Variants in ANXA8 observed in about 807,000 individuals in gnomAD.
The protein encoded by ANXA8 is annexin A8.
A neutral mutation model predicts 26.8 loss-of-function variants in ANXA8; 9 were observed. The ratio of observed to expected loss-of-function variants is 0.34; its 90% CI spans 0.20 to 0.59. The LOEUF (loss-of-function observed/expected upper bound fraction) is 0.59. Among genes scored for constraint, ANXA8 ranks in the 20% least tolerant of loss-of-function variants. The probability of loss-of-function intolerance (pLI) is 0.84; values close to 1 mark genes in which losing one functional copy is unlikely to be tolerated. For missense variants in ANXA8, 83 were observed against 238.5 expected (o/e 0.35, Z 4.29); for synonymous variants, 39 against 94.8 (o/e 0.41, Z 3.42).
At chr10:47,985,665 A>C in the ANXA8 span, 2 of 133,644 alleles carry the variant, frequency 1.5e-5, no homozygotes, top group Non-Finnish European at 3.3e-5. Flanking sequence ...AGCACCCCCA[A>C]AAAGTTATTT....
chr10:47,743,327 T>TATATATATACATATATATATAC, the ANXA8 span, among the ~76,000 whole-genome samples: 9 of 40,328 alleles, frequency 2.2e-4, no homozygotes, highest in Admixed American at 6.6e-4. Flanking sequence ...TATATATATA[T>TATATATATACATATATATATAC]ACATATATAT....
chr10:47,985,069 C>G, the ANXA8 span, among the ~76,000 whole-genome samples: 7 of 148,982 alleles, frequency 4.7e-5, 1 homozygote, highest in Admixed American at 2.7e-4. Context: ...TTGCAAACTG[C>G]GTATCTGACA....
At chr10:47,680,704 T>A in the ANXA8 span, among the ~76,000 whole-genome samples, 1 of 151,538 alleles carries the variant, frequency 6.6e-6, no homozygotes, top group South Asian at 2.1e-4. Context: ...AAAAATAAAT[T>A]AAAAAAAAAT....
chr10:47,578,964 C>T, the ANXA8 span, among the ~76,000 whole-genome samples: 5 of 143,450 alleles, frequency 3.5e-5, no homozygotes, highest in East Asian at 8.7e-4. Context: ...TTCTCAGCCT[C>T]CTGAGTAGCT....
At chr10:47,557,165 C>T in the ANXA8 span, among the ~76,000 whole-genome samples, 1 of 136,468 alleles carries the variant, frequency 7.3e-6, no homozygotes, top group Non-Finnish European at 1.6e-5. Flanking sequence ...CACCACCACG[C>T]CCAGCTAATT....
the ANXA8 span, among the ~76,000 whole-genome samples, chr10:47,947,430 AG>A: frequency 1.4e-5 from 2 of 143,498 alleles, no homozygotes. Context: ...TTTTGAGAGG[AG>A]GGAGTAATGT....
At chr10:47,495,255 CATT>C in the ANXA8 span, among the ~76,000 whole-genome samples, 2,780 of 102,878 alleles carry the variant, frequency 0.027, 122 homozygotes, top group African/African-American at 0.049. Context: ...AGAAACATGG[CATT>C]ATTATTATTA....
At chr10:47,530,742 C>T in the ANXA8 span, among the ~76,000 whole-genome samples, 1 of 132,176 alleles carries the variant, frequency 7.6e-6, no homozygotes, top group Non-Finnish European at 1.6e-5. Context: ...ATCTCAAGTA[C>T]ACACCCACAT....
chr10:47,665,170 A>T, the ANXA8 span, among the ~76,000 whole-genome samples: 1 of 146,976 alleles, frequency 6.8e-6, no homozygotes, highest in Non-Finnish European at 1.5e-5. Context: ...ACTGCAAATT[A>T]AAAAAAAAAA....
the ANXA8 span, among the ~76,000 whole-genome samples, chr10:47,561,561 T>C: frequency 6.6e-6 from 1 of 151,912 alleles, no homozygotes; most frequent in East Asian, 1.9e-4. Context: ...CCTTTCATGA[T>C]ATGTATGGAG....
the ANXA8 span, among the ~76,000 whole-genome samples, chr10:47,617,603 T>C: frequency 6.8e-6 from 1 of 147,368 alleles, no homozygotes; most frequent in Non-Finnish European, 1.5e-5. Context: ...TATTTTTCAA[T>C]TAAATAAATG....
At chr10:47,644,207 A>T in the ANXA8 span, among the ~76,000 whole-genome samples, 160 of 147,420 alleles carry the variant, frequency 1.1e-3, 1 homozygote, top group African/African-American at 4.1e-3. Context: ...CACGTCCAGG[A>T]TACTCTACCT....
the ANXA8 span, among the ~76,000 whole-genome samples, chr10:47,585,753 T>A: frequency 2.1e-5 from 1 of 48,688 alleles, no homozygotes. Context: ...TTTTCATTCT[T>A]TTTCTTTTAA....
the ANXA8 span, among the ~76,000 whole-genome samples, chr10:47,718,000 A>G: frequency 4.9e-4 from 59 of 120,070 alleles, no homozygotes; most frequent in African/African-American, 1.9e-3. Flanking sequence ...TCTGTCTCAA[A>G]AAAAAAAAAA....
the ANXA8 span, chr10:47,491,479 A>G: frequency 3.2e-6 from 2 of 624,112 alleles, no homozygotes; most frequent in Non-Finnish European, 5.4e-6. Flanking sequence ...GCAGGAGACC[A>G]GGGTTCCTGA....
the ANXA8 span, among the ~76,000 whole-genome samples, chr10:47,779,107 A>AGGTTTTT: frequency 2.7e-5 from 4 of 145,802 alleles, no homozygotes; most frequent in Non-Finnish European, 6.0e-5. Context: ...TTTAGGTCTG[A>AGGTTTTT]AAACTTTTTA....
the ANXA8 span, among the ~76,000 whole-genome samples, chr10:47,744,199 C>G: frequency 6.7e-6 from 1 of 148,812 alleles, no homozygotes; most frequent in African/African-American, 2.5e-5. Flanking sequence ...CCCAACAGAC[C>G]CTACCAGGCT....
the ANXA8 span, among the ~76,000 whole-genome samples, chr10:47,900,800 C>T: frequency 0.84 from 117,152 of 139,190 alleles, 48,571 homozygotes; most frequent in African/African-American, 0.93. Flanking sequence ...ATTTTAATCC[C>T]ACACAGGAAG....
the ANXA8 span, among the ~76,000 whole-genome samples, chr10:47,988,917 G>A: frequency 2.0e-5 from 3 of 151,722 alleles, no homozygotes; most frequent in African/African-American, 2.4e-5. Flanking sequence ...TGTGCTCATC[G>A]GTGTCCACAC....
Sources: allele counts gnomAD v4.1 joint callset (sites outside exome capture counted in the v4.1 genomes callset), GRCh38; gene constraint gnomAD v4.1.1; transcripts MANE v1.5; gene names NCBI Gene and HGNC (gene_info 2026-07-23, HGNC 2026-07-21).